Variants in MAOB observed in about 807,000 individuals in gnomAD.
MAOB encodes monoamine oxidase B.
Under a neutral mutation model 41.9 loss-of-function variants are expected in MAOB, and 15 were observed. That is an observed-to-expected ratio of 0.36 (90% CI 0.24 to 0.55). The LOEUF (loss-of-function observed/expected upper bound fraction) is 0.55, where lower values mean the gene tolerates loss of function less well. Ranked by LOEUF, MAOB falls within the 20% of genes least tolerant of loss-of-function variation. The pLI is 0.86. For missense variants in MAOB, 345 were observed against 398.7 expected, an observed-to-expected ratio of 0.87 and a Z score of 1.15; for synonymous variants, 167 against 144.2, an observed-to-expected ratio of 1.16 and a Z score of -1.13.
chrX:43,767,249 TG>T lies in MAOB; in HGVS notation c.*216del. 1 of 354,413 alleles carries T rather than the reference TG, an allele frequency of 2.8e-6. No individual in the cohort carries two copies. Among genetic ancestry groups the T allele is most frequent in the Non-Finnish European group, 4.8e-6 (1 of 207,091 alleles). The allele number at this position is 354,413 out of a possible 1,213,427, so 29.2% of individuals were successfully genotyped here. ...TTTTGAGGGCAATAAACTTGGAAAC[TG>T]GTGAAACAGAACGCTAAGCCAGGTA... On this transcript the variant is annotated 3_prime_UTR_variant, in exon 15 of 15. Transcript: ENST00000378069.
At chrX:43,859,223 T>C (rs1435503069) in intron 1 of MAOB, among the ~76,000 whole-genome samples, 1 of 111,360 alleles carries the variant, frequency 9.0e-6, no homozygotes, top group Non-Finnish European at 1.9e-5. Flanking sequence ...TCGCCCCAAA[T>C]CAAAAACAAA....
At chrX:43,846,522 A>G (rs2035204542) in intron 1 of MAOB, among the ~76,000 whole-genome samples, 1 of 111,843 alleles carries the variant, frequency 8.9e-6, no homozygotes, top group Non-Finnish European at 1.9e-5. Flanking sequence ...GGGGGTAGTC[A>G]AGAGGCTTGT....
chrX:43,770,240 T>C (rs1454312666), intron 12 of MAOB, among the ~76,000 whole-genome samples: 1 of 111,160 alleles, frequency 9.0e-6, no homozygotes, highest in African/African-American at 3.3e-5. Context: ...ATTCCCAAGC[T>C]CCAACTTGAG....
intron 3 of MAOB, among the ~76,000 whole-genome samples, chrX:43,809,462 G>T (rs935821562): frequency 8.9e-6 from 1 of 112,580 alleles, no homozygotes; most frequent in African/African-American, 3.2e-5. Flanking sequence ...TTATGTCTAA[G>T]CAGGCAACAG....
chrX:43,843,570 G>A, intron 2 of MAOB, 100 bp downstream of exon 2: 8 of 721,499 alleles, frequency 1.1e-5, no homozygotes, highest in Non-Finnish European at 1.6e-5. Context: ...CACCCTCTTA[G>A]AGTCAAATGA....
chrX:43,824,780 A>C (rs1376262539), intron 3 of MAOB, among the ~76,000 whole-genome samples: 5 of 113,503 alleles, frequency 4.4e-5, no homozygotes. Flanking sequence ...AAGAAGAAAT[A>C]GACACAGACA....
At chrX:43,881,147 G>C (rs1300422839) in intron 1 of MAOB, among the ~76,000 whole-genome samples, 2 of 113,185 alleles carry the variant, frequency 1.8e-5, no homozygotes, top group African/African-American at 3.2e-5. Flanking sequence ...GGGGAGAAAG[G>C]CTGGAGCAGA....
rs748765876 is a variant in MAOB, at chrX:43,804,517, T to C, written c.280-1113A>G. 3.6e-5 allele frequency among the ~76,000 whole-genome samples: 4 copies of C among 110,891 alleles called. No individual in the cohort carries two copies. The South Asian group carries it at 1.5e-3, about 42-fold the overall frequency. ...ATATAGATACATAGATACATAGATA[T>C]AGATAGATGATATTGATATAGATAT... is the stretch of plus-strand genomic sequence containing the variant. On this transcript the variant is annotated intron_variant, in intron 3 of 14. Transcript: ENST00000378069.
chrX:43,844,094 AGACACAG>A (rs759214911), intron 1 of MAOB, among the ~76,000 whole-genome samples: 7 of 112,052 alleles, frequency 6.2e-5, no homozygotes, highest in Non-Finnish European at 1.3e-4. Context: ...TATGAGTTGC[AGACACAG>A]GACTAAGTCC....
chrX:43,880,244 C>T (rs2035464908), intron 1 of MAOB, among the ~76,000 whole-genome samples: 1 of 111,734 alleles, frequency 8.9e-6, no homozygotes, highest in East Asian at 2.8e-4. Flanking sequence ...AATGAATGGA[C>T]CCCTCCCATG....
chrX:43,811,726 A>G (rs1166937793), intron 3 of MAOB, among the ~76,000 whole-genome samples: 2 of 111,489 alleles, frequency 1.8e-5, no homozygotes, highest in Admixed American at 9.5e-5. Context: ...GTAGGTGTAT[A>G]TACTTATGGG....
At chrX:43,788,570 T>C (rs935173204) in intron 8 of MAOB, among the ~76,000 whole-genome samples, 3 of 111,318 alleles carry the variant, frequency 2.7e-5, no homozygotes, top group African/African-American at 9.8e-5. Context: ...AGCAAAAACA[T>C]GGAAACAAGA....
chrX:43,771,721 C>G (rs1205853137), intron 12 of MAOB, among the ~76,000 whole-genome samples: 2 of 110,901 alleles, frequency 1.8e-5, no homozygotes, highest in Non-Finnish European at 3.8e-5. Flanking sequence ...GAAGACAGAA[C>G]AAAGGCTTAG....
chrX:43,877,118 A>G (rs912386955), intron 1 of MAOB, among the ~76,000 whole-genome samples: 3 of 112,431 alleles, frequency 2.7e-5, no homozygotes, highest in African/African-American at 9.7e-5. Flanking sequence ...TCCAAATGAG[A>G]AAAGTAAGGC....
At chrX:43,814,521 G>C (rs771230093) in intron 3 of MAOB, among the ~76,000 whole-genome samples, 1 of 112,497 alleles carries the variant, frequency 8.9e-6, no homozygotes, top group Non-Finnish European at 1.9e-5. Flanking sequence ...CTCCATTTGA[G>C]TCCCTACCAT....
intron 3 of MAOB, among the ~76,000 whole-genome samples, chrX:43,828,890 G>A (rs1342883594): frequency 3.6e-5 from 4 of 112,011 alleles, no homozygotes; most frequent in South Asian, 3.7e-4. Flanking sequence ...GTGAGATAAT[G>A]CATATAAACT....
Position 43,793,690 on chromosome X carries a change from C to T in MAOB, c.769-112G>A, listed in dbSNP as rs949404769. 9 of 680,469 alleles carry T rather than the reference C, an allele frequency of 1.3e-5. No individual in the cohort carries two copies. The South Asian group carries it at 2.8e-4, about 21-fold the overall frequency. The allele number at this position is 680,469 out of a possible 1,213,427, so 56.1% of individuals were successfully genotyped here. The stretch of plus-strand genomic sequence containing the variant: ...TCTTTTCAGTCTCTTAAAGAAGTGA[C>T]AAGGATTTTGTCGAAACCTAAAGTA... On this transcript the variant is annotated intron_variant, in intron 7 of 14. Coordinates refer to ENST00000378069, the MANE Select transcript of MAOB (RefSeq NM_000898.5).
chrX:43,849,501 A>C (rs2035234166), intron 1 of MAOB, among the ~76,000 whole-genome samples: 1 of 112,578 alleles, frequency 8.9e-6, no homozygotes. Context: ...CTGGCTAGTA[A>C]ATTTCCAAAA....
chrX:43,839,804 A>G (rs895579684), intron 2 of MAOB, among the ~76,000 whole-genome samples: 1 of 112,448 alleles, frequency 8.9e-6, no homozygotes, highest in Non-Finnish European at 1.9e-5. Flanking sequence ...TTAAAAATTC[A>G]GCACCTAATT....
Sources: allele counts gnomAD v4.1 joint callset (sites outside exome capture counted in the v4.1 genomes callset), GRCh38; gene constraint gnomAD v4.1.1; transcripts MANE v1.5; gene names NCBI Gene and HGNC (gene_info 2026-07-23, HGNC 2026-07-21).